Variants in ZBTB20 observed in about 807,000 individuals in gnomAD.
The protein encoded by ZBTB20 is zinc finger and BTB domain-containing protein 20.
Under a neutral mutation model 56.9 loss-of-function variants are expected in ZBTB20, and 9 were observed. The ratio of observed to expected loss-of-function variants is 0.16; its 90% CI spans 0.10 to 0.28. ZBTB20 has a LOEUF of 0.28. Among genes scored for constraint, ZBTB20 ranks in the 10% least tolerant of loss-of-function variants. The pLI, the probability that ZBTB20 is intolerant of heterozygous loss-of-function variation, is 1.00. For synonymous variants in ZBTB20, 417 were observed against 420.7 expected (o/e 0.99, Z 0.11); for missense variants, 655 against 1,003.0 (o/e 0.65, Z 4.69).
intron 1 of ZBTB20, among the ~76,000 whole-genome samples, chr3:115,146,429 T>C (rs1235808079): frequency 1.3e-5 from 2 of 152,098 alleles, no homozygotes; most frequent in South Asian, 4.2e-4. Flanking sequence ...CATTAAACAG[T>C]GTACGAGAGA....
intron 5 of ZBTB20, among the ~76,000 whole-genome samples, chr3:114,719,769 C>A (rs909769023): frequency 6.6e-6 from 1 of 152,028 alleles, no homozygotes; most frequent in African/African-American, 2.4e-5. Flanking sequence ...CCAGAGAATT[C>A]GCACAATCTT....
chr3:114,864,745 G>A (rs776901946), intron 4 of ZBTB20, among the ~76,000 whole-genome samples: 32 of 151,918 alleles, frequency 2.1e-4, no homozygotes, highest in Non-Finnish European at 4.4e-4. Context: ...TATGACTTCC[G>A]GAGTTAAATT....
intron 6 of ZBTB20, among the ~76,000 whole-genome samples, chr3:114,586,279 T>A (rs573996503): frequency 5.3e-5 from 8 of 152,350 alleles, no homozygotes; most frequent in African/African-American, 1.9e-4. Context: ...GAAGACTGGA[T>A]AGCTTGGAGC....
At chr3:115,135,872 A>G (rs2084639715) in intron 1 of ZBTB20, among the ~76,000 whole-genome samples, 1 of 152,036 alleles carries the variant, frequency 6.6e-6, no homozygotes, top group Non-Finnish European at 1.5e-5. Context: ...CTATTTTTTA[A>G]TTGTGTGAAA....
chr3:114,934,476 C>T lies in ZBTB20; in HGVS notation c.-455-34134G>A, dbSNP rs141623619. Among the ~76,000 whole-genome samples the T allele has an allele frequency of 3.3e-5, 5 of 152,226 alleles. No homozygotes were observed. The East Asian group carries it at 7.7e-4, about 24-fold the overall frequency. On this transcript the variant is annotated intron_variant, in intron 3 of 11. Coordinates refer to ENST00000675478, the MANE Select transcript of ZBTB20 (RefSeq NM_001348800.3). ...GGTATTTGCCTTATATATTTTTGAA[C>T]CATAGTATCTGTGCCTAGAACATAG...
At chr3:114,568,014 T>C (rs145934694) in intron 6 of ZBTB20, among the ~76,000 whole-genome samples, 246 of 152,334 alleles carry the variant, frequency 1.6e-3, no homozygotes, top group African/African-American at 5.7e-3. Flanking sequence ...CAGCAGCATG[T>C]GCAGCAGTGT....
At chr3:115,124,399 G>T (rs1334163555) in intron 1 of ZBTB20, among the ~76,000 whole-genome samples, 1 of 152,080 alleles carries the variant, frequency 6.6e-6, no homozygotes, top group Non-Finnish European at 1.5e-5. Flanking sequence ...GTTACTGTAA[G>T]AAATGCTTTA....
At chr3:115,017,704 G>C (rs949725571) in intron 2 of ZBTB20, among the ~76,000 whole-genome samples, 1 of 151,346 alleles carries the variant, frequency 6.6e-6, no homozygotes, top group Non-Finnish European at 1.5e-5. Context: ...AATTTCATTT[G>C]TATCATCACT....
At chr3:115,061,122 G>A (rs1341989217) in intron 2 of ZBTB20, among the ~76,000 whole-genome samples, 1 of 152,068 alleles carries the variant, frequency 6.6e-6, no homozygotes, top group Non-Finnish European at 1.5e-5. Flanking sequence ...ATAGACAGCA[G>A]TGTGGCTTGA....
chr3:115,091,947 G>A lies in ZBTB20; in HGVS notation c.-702-20533C>T, dbSNP rs2083211175. Among the ~76,000 whole-genome samples, 3 of 152,050 alleles carry A rather than the reference G, an allele frequency of 2.0e-5. No homozygotes were observed. The South Asian group carries it at 6.2e-4, about 31-fold the overall frequency. On this transcript the variant is annotated intron_variant, in intron 1 of 11. Transcript: ENST00000675478. The stretch of plus-strand genomic sequence containing the variant: ...ATTGCCAAGTTATGCATATAAAATT[G>A]CTGTGGGAATGTGAAAGAAGGAGCA...
At chr3:114,990,241 A>T (rs529479924) in intron 2 of ZBTB20, among the ~76,000 whole-genome samples, 2 of 152,136 alleles carry the variant, frequency 1.3e-5, no homozygotes, top group Non-Finnish European at 2.9e-5. Flanking sequence ...CTGTGGGTTT[A>T]TCATAAATAG....
chr3:114,961,167 G>A (rs747462486), intron 3 of ZBTB20, among the ~76,000 whole-genome samples: 6 of 149,264 alleles, frequency 4.0e-5, no homozygotes, highest in African/African-American at 9.8e-5. Flanking sequence ...TGGGTCCAGC[G>A]GTTTTAAGAG....
At chr3:114,429,722 AAAT>A (rs2089979002) in intron 7 of ZBTB20, among the ~76,000 whole-genome samples, 1 of 152,234 alleles carries the variant, frequency 6.6e-6, no homozygotes, top group African/African-American at 2.4e-5. Flanking sequence ...CTCCAATAAA[AAAT>A]AATGATACCA....
At chr3:114,511,593 T>C (rs1227428558) in intron 6 of ZBTB20, among the ~76,000 whole-genome samples, 2 of 152,130 alleles carry the variant, frequency 1.3e-5, no homozygotes, top group African/African-American at 4.8e-5. Context: ...GCATACACTA[T>C]TAAATACACA....
At chr3:114,614,473 C>T (rs950286456) in intron 6 of ZBTB20, among the ~76,000 whole-genome samples, 2 of 152,090 alleles carry the variant, frequency 1.3e-5, no homozygotes, top group East Asian at 1.9e-4. Flanking sequence ...CTTTCCTCAA[C>T]GGGGTGACAT....
At chr3:115,011,952 CTGTT>C (rs1238839429) in intron 2 of ZBTB20, among the ~76,000 whole-genome samples, 4 of 151,706 alleles carry the variant, frequency 2.6e-5, no homozygotes, top group Admixed American at 6.6e-5. Flanking sequence ...TTCTATTTGC[CTGTT>C]TGTTTGTTCA....
chr3:114,525,197 A>C (rs1241313781), intron 6 of ZBTB20, among the ~76,000 whole-genome samples: 2 of 152,102 alleles, frequency 1.3e-5, no homozygotes, highest in Non-Finnish European at 2.9e-5. Context: ...ATTAAATATA[A>C]ATTTCATAAG....
chr3:114,673,125 C>A (rs1363586420), intron 6 of ZBTB20, among the ~76,000 whole-genome samples: 1 of 152,126 alleles, frequency 6.6e-6, no homozygotes, highest in East Asian at 1.9e-4. Flanking sequence ...TCAATAGTAT[C>A]ATTTTCCAGA....
intron 5 of ZBTB20, among the ~76,000 whole-genome samples, chr3:114,730,684 C>T (rs1206971674): frequency 1.3e-5 from 2 of 152,118 alleles, no homozygotes; most frequent in African/African-American, 4.8e-5. Flanking sequence ...CAGGAAAAAC[C>T]AAACCTGATG....
Sources: gnomAD v4.1 joint callset for allele counts (sites outside exome capture counted in the v4.1 genomes callset) on GRCh38, gnomAD v4.1.1 for gene constraint, MANE v1.5 for transcripts, NCBI Gene and HGNC (gene_info 2026-07-23, HGNC 2026-07-21) for gene names.